RYR2: variants seen among roughly 807,000 people sequenced by gnomAD.
The protein encoded by RYR2 is ryanodine receptor 2.
Under a neutral mutation model 601.1 loss-of-function variants are expected in RYR2, and 227 were observed. That is an observed-to-expected ratio of 0.38 (90% CI 0.34 to 0.42). The LOEUF is 0.42. RYR2 is among the 10% of genes least tolerant of loss of function. RYR2 has a pLI of 1.00. For synonymous variants in RYR2, 2,223 were observed against 2,175.1 expected, an observed-to-expected ratio of 1.02 and a Z score of -0.61; for missense variants, 4,646 against 6,156.5, an observed-to-expected ratio of 0.75 and a Z score of 8.21.
intron 1 of RYR2, among the ~76,000 whole-genome samples, chr1:237,237,043 G>A (rs1685617200): frequency 6.6e-6 from 1 of 152,136 alleles, no homozygotes; most frequent in Non-Finnish European, 1.5e-5. Flanking sequence ...AGATCTGATA[G>A]TTTTATAAGG....
chr1:237,547,183 T>G (rs1397743751), intron 25 of RYR2, among the ~76,000 whole-genome samples: 1 of 151,570 alleles, frequency 6.6e-6, no homozygotes, highest in Non-Finnish European at 1.5e-5. Flanking sequence ...TCATTGTATT[T>G]TTAATAGAGA....
intron 24 of RYR2, among the ~76,000 whole-genome samples, chr1:237,521,510 A>G (rs1483873691): frequency 5.3e-5 from 8 of 151,992 alleles, no homozygotes; most frequent in African/African-American, 1.4e-4. Flanking sequence ...ATCTGAGGTC[A>G]GGAGTTCAAG....
At chr1:237,775,689 C>T (rs778644299) in intron 87 of RYR2, among the ~76,000 whole-genome samples, 3 of 152,064 alleles carry the variant, frequency 2.0e-5, no homozygotes, top group Non-Finnish European at 4.4e-5. Context: ...AGTAAGAGGA[C>T]GTTGTATTGT....
At chr1:237,465,135 G>A (rs947379765) in intron 16 of RYR2, among the ~76,000 whole-genome samples, 2 of 151,618 alleles carry the variant, frequency 1.3e-5, no homozygotes, top group African/African-American at 4.8e-5. Flanking sequence ...CGATGTTCAG[G>A]AGGTACTCTA....
At chr1:237,057,326 C>T (rs1490061825) in intron 1 of RYR2, among the ~76,000 whole-genome samples, 1 of 152,094 alleles carries the variant, frequency 6.6e-6, no homozygotes, top group Non-Finnish European at 1.5e-5. Context: ...GCTGGGACTA[C>T]AGGTGTGTGT....
chr1:237,215,083 C>A (rs533939956), intron 1 of RYR2, among the ~76,000 whole-genome samples: 4 of 152,170 alleles, frequency 2.6e-5, no homozygotes, highest in Non-Finnish European at 5.9e-5. Context: ...TAAGAACTGG[C>A]AACTTAATTC....
chr1:237,565,115 T>TTCTTTTTCTTTCTTTCTTTC (rs1553503217), intron 27 of RYR2, among the ~76,000 whole-genome samples: 14 of 8,782 alleles, frequency 1.6e-3, no homozygotes, highest in Admixed American at 2.5e-3. Flanking sequence ...CTTTCTTTCT[T>TTCTTTTTCTTTCTTTCTTTC]TTTCTTTCTT....
At chr1:237,073,866 T>TAAAAAAAAAAAAAAAA (rs71178385) in intron 1 of RYR2, among the ~76,000 whole-genome samples, 1 of 123,286 alleles carries the variant, frequency 8.1e-6, no homozygotes. Context: ...GACTCCATCT[T>TAAAAAAAAAAAAAAAA]AAAAAAAAAA....
At chr1:237,563,069 TTCTTTAAAACGTAGTTGCA>T (rs1417477969) in intron 27 of RYR2, among the ~76,000 whole-genome samples, 1 of 152,180 alleles carries the variant, frequency 6.6e-6, no homozygotes, top group Non-Finnish European at 1.5e-5. Context: ...GAACTGTTGC[TTCTTTAAAACGTAGTTGCA>T]AACTACCCTA....
chr1:237,833,224 T>G lies in RYR2; in HGVS notation c.*577T>G, dbSNP rs891245225. The G allele has an allele frequency of 6.6e-6, 1 of 151,682 alleles. No homozygotes were observed. The highest frequency in any genetic ancestry group is 1.5e-5 in the Non-Finnish European group (1 of 67,808). 9.4% of individuals were successfully genotyped at this position (151,682 alleles called of 1,614,324 possible). On this transcript the variant is annotated 3_prime_UTR_variant, in exon 105 of 105. Transcript: ENST00000366574. ...ATTGATTTTGTGAGGTTTTTTTTTT[T>G]TCCTTTAGTCTTTTCTTTAGTGGGG...
intron 2 of RYR2, among the ~76,000 whole-genome samples, chr1:237,297,924 G>GCATTT (rs1692954692): frequency 1.1e-5 from 1 of 94,960 alleles, no homozygotes; most frequent in Non-Finnish European, 2.2e-5. Flanking sequence ...CTAATTTTTT[G>GCATTT]TATTTTTTTT....
At chr1:237,119,505 C>T (rs1365427247) in intron 1 of RYR2, among the ~76,000 whole-genome samples, 2 of 152,174 alleles carry the variant, frequency 1.3e-5, no homozygotes, top group Non-Finnish European at 2.9e-5. Flanking sequence ...TCATGGCACA[C>T]TGGGCCCCAG....
At chr1:237,816,499 G>T (rs756382369) in intron 100 of RYR2, among the ~76,000 whole-genome samples, 2 of 152,044 alleles carry the variant, frequency 1.3e-5, no homozygotes, top group African/African-American at 2.4e-5. Flanking sequence ...GACCAGCCTG[G>T]CCAACATGGT....
intron 89 of RYR2, among the ~76,000 whole-genome samples, chr1:237,782,913 C>T (rs574114147): frequency 1.9e-3 from 288 of 152,276 alleles, no homozygotes; most frequent in Non-Finnish European, 2.4e-3. Context: ...ACTCTTAACA[C>T]CACGGTGCTT....
At chr1:237,299,770 C>A (rs1693172886) in intron 2 of RYR2, among the ~76,000 whole-genome samples, 1 of 152,166 alleles carries the variant, frequency 6.6e-6, no homozygotes, top group Non-Finnish European at 1.5e-5. Context: ...ACATGTGGTG[C>A]TGTTATACTC....
chr1:237,549,617 T>C (rs1670170643), intron 26 of RYR2, among the ~76,000 whole-genome samples: 1 of 148,604 alleles, frequency 6.7e-6, no homozygotes, highest in Non-Finnish European at 1.5e-5. Flanking sequence ...CCTGTGTGAT[T>C]CCATAGCTTT....
intron 1 of RYR2, among the ~76,000 whole-genome samples, chr1:237,164,012 G>A (rs1487699860): frequency 1.3e-5 from 2 of 152,204 alleles, no homozygotes; most frequent in Admixed American, 6.5e-5. Context: ...AGGCTGGGAT[G>A]CAGTGGCTTA....
intron 51 of RYR2, among the ~76,000 whole-genome samples, chr1:237,652,571 G>C (rs1682870468): frequency 6.6e-6 from 1 of 152,090 alleles, no homozygotes; most frequent in African/African-American, 2.4e-5. Flanking sequence ...TTTAGCAAAA[G>C]TAATCTTTCT....
chr1:237,410,410 G>A (rs540312749), intron 10 of RYR2, among the ~76,000 whole-genome samples: 1 of 152,198 alleles, frequency 6.6e-6, no homozygotes, highest in South Asian at 2.1e-4. Flanking sequence ...AAAGACCCTA[G>A]ACCCTGGATT....
Sources: gnomAD v4.1 joint callset for allele counts (sites outside exome capture counted in the v4.1 genomes callset) on GRCh38, gnomAD v4.1.1 for gene constraint, MANE v1.5 for transcripts, NCBI Gene and HGNC (gene_info 2026-07-23, HGNC 2026-07-21) for gene names.